The following YEATS4 variants were observed in gnomAD, a reference collection of about 807,000 sequenced individuals.
YEATS4 encodes the protein YEATS domain-containing protein 4.
A neutral mutation model predicts 30.1 loss-of-function variants in YEATS4; 17 were observed. The ratio of observed to expected loss-of-function variants is 0.56; its 90% confidence interval spans 0.39 to 0.85. The LOEUF (loss-of-function observed/expected upper bound fraction) is 0.85, where lower values mean the gene tolerates loss of function less well. Ranked by LOEUF, YEATS4 falls within the 40% of genes least tolerant of loss-of-function variation. The pLI is 0.00. For missense variants in YEATS4, 142 were observed against 268.3 expected (o/e 0.53, Z 3.29); for synonymous variants, 85 against 87.5 (o/e 0.97, Z 0.16).
the YEATS4 span, among the ~76,000 whole-genome samples, chr12:69,402,508 GA>G: frequency 6.6e-6 from 1 of 152,052 alleles, no homozygotes; most frequent in Admixed American, 6.6e-5. Context: ...CTAGAGTTGG[GA>G]TCCACAAACT....
chr12:69,406,246 G>A, the YEATS4 span, among the ~76,000 whole-genome samples: 19 of 152,280 alleles, frequency 1.2e-4, no homozygotes, highest in Admixed American at 9.8e-4. Flanking sequence ...ACAACTGTGC[G>A]TTAGAGTACC....
At position 69,360,065 on chromosome 12, in the gene YEATS4, C is replaced by A. The variant is rs755093995; in HGVS notation, c.51+42C>A. Reference sequence around the variant, plus strand: ...CCCCTCTTCCGGGGTGGCTCTCCCGCCTCGGTTCCTCCCTGCGCGGCGCGG... The same window carrying A: ...CCCCTCTTCCGGGGTGGCTCTCCCGACTCGGTTCCTCCCTGCGCGGCGCGG... On this transcript the variant is annotated intron_variant, in intron 1 of 6. Transcript: ENST00000247843. 1.9e-6 allele frequency: 3 copies of A among 1,603,398 alleles called. No homozygotes were observed. The South Asian group carries it at 3.3e-5, about 18-fold the overall frequency.
At chr12:69,393,122 A>T (rs74501603), downstream of YEATS4, among the ~76,000 whole-genome samples, 412 of 152,276 alleles carry the variant, frequency 2.7e-3, no homozygotes, top group Non-Finnish European at 4.8e-3. Flanking sequence ...TTGTTTTTTA[A>T]TAATAATAGA....
intron 6 of YEATS4, among the ~76,000 whole-genome samples, chr12:69,382,630 C>G (rs1182223750): frequency 1.3e-5 from 2 of 152,168 alleles, no homozygotes; most frequent in African/African-American, 4.8e-5. Context: ...TCCAGAGATG[C>G]CATCCAAGGG....
At chr12:69,403,041 G>GA in the YEATS4 span, among the ~76,000 whole-genome samples, 16 of 151,930 alleles carry the variant, frequency 1.1e-4, no homozygotes, top group African/African-American at 3.9e-4. Flanking sequence ...TTCAAACATT[G>GA]AAAAAATGTA....
intron 6 of YEATS4, among the ~76,000 whole-genome samples, chr12:69,385,309 C>T (rs1183975191): frequency 1.3e-5 from 2 of 151,664 alleles, no homozygotes; most frequent in African/African-American, 4.8e-5. Context: ...ACTTTGCACT[C>T]TCATGAATTG....
chr12:69,386,091 T>G (rs886778914), intron 6 of YEATS4, among the ~76,000 whole-genome samples: 2 of 152,228 alleles, frequency 1.3e-5, no homozygotes, highest in Non-Finnish European at 2.9e-5. Flanking sequence ...ACAGAAACTT[T>G]TCTTTTTTTG....
At chr12:69,361,241 A>ATG (rs111618314) in intron 1 of YEATS4, 24,302 of 137,338 alleles carry the variant, frequency 0.18, 2,082 homozygotes, top group Admixed American at 0.25. Flanking sequence ...TAAAATACTT[A>ATG]TGTGTGTGTG....
intron 6 of YEATS4, among the ~76,000 whole-genome samples, chr12:69,380,050 A>G (rs555906656): frequency 6.6e-6 from 1 of 152,280 alleles, no homozygotes; most frequent in Non-Finnish European, 1.5e-5. Context: ...ATTTTGAGTT[A>G]TCTTTCTGAA....
At chr12:69,371,457 T>A (rs1875635273) in intron 6 of YEATS4, among the ~76,000 whole-genome samples, 1 of 152,262 alleles carries the variant, frequency 6.6e-6, no homozygotes, top group Non-Finnish European at 1.5e-5. Flanking sequence ...CATGTTGTAT[T>A]TTCTCTCTAA....
chr12:69,413,263 G>A, the YEATS4 span, among the ~76,000 whole-genome samples: 62,888 of 147,746 alleles, frequency 0.43, 14,170 homozygotes, highest in East Asian at 0.63. Flanking sequence ...CAGTGTTTTA[G>A]AAATCAGCCA....
chr12:69,401,389 G>A, the YEATS4 span, among the ~76,000 whole-genome samples: 2 of 152,268 alleles, frequency 1.3e-5, no homozygotes, highest in African/African-American at 4.8e-5. Flanking sequence ...TATTTTGGGG[G>A]AAAGCAGTGA....
At chr12:69,382,531 C>G (rs184561306) in intron 6 of YEATS4, among the ~76,000 whole-genome samples, 1 of 152,334 alleles carries the variant, frequency 6.6e-6, no homozygotes, top group East Asian at 1.9e-4. Context: ...TTACTTAAGG[C>G]CCAAGGGCTC....
At chr12:69,387,692 A>G (rs978203196) in intron 6 of YEATS4, among the ~76,000 whole-genome samples, 1 of 152,226 alleles carries the variant, frequency 6.6e-6, no homozygotes, top group African/African-American at 2.4e-5. Context: ...GTATAGAATG[A>G]TACCACTTGT....
At chr12:69,415,928 G>GA in the YEATS4 span, among the ~76,000 whole-genome samples, 2 of 152,232 alleles carry the variant, frequency 1.3e-5, no homozygotes, top group Admixed American at 6.5e-5. Flanking sequence ...TCACTCTGAA[G>GA]AATTCCTGTG....
At chr12:69,425,623 G>A in the YEATS4 span, among the ~76,000 whole-genome samples, 1 of 152,186 alleles carries the variant, frequency 6.6e-6, no homozygotes, top group African/African-American at 2.4e-5. Flanking sequence ...AGATAGCACT[G>A]TGCCTCAGGA....
At chr12:69,391,033 C>T (rs1163956708), downstream of YEATS4, among the ~76,000 whole-genome samples, 1 of 152,214 alleles carries the variant, frequency 6.6e-6, no homozygotes. Context: ...GCGGCTTACG[C>T]CTGTAATACC....
intron 6 of YEATS4, among the ~76,000 whole-genome samples, chr12:69,380,244 C>G (rs985894871): frequency 5.3e-5 from 8 of 152,172 alleles, no homozygotes; most frequent in Admixed American, 5.2e-4. Context: ...GGCAGGCTTT[C>G]CAGGTATTTG....
At chr12:69,395,142 C>G (rs1868342050), downstream of YEATS4, among the ~76,000 whole-genome samples, 1 of 151,852 alleles carries the variant, frequency 6.6e-6, no homozygotes, top group Non-Finnish European at 1.5e-5. Context: ...CACTTGTTTA[C>G]TTTTTTATTG....
Sources: allele counts gnomAD v4.1 joint callset (sites outside exome capture counted in the v4.1 genomes callset), GRCh38; gene constraint gnomAD v4.1.1; transcripts MANE v1.5; gene names NCBI Gene and HGNC (gene_info 2026-07-23, HGNC 2026-07-21).